The following SSBP2 variants were observed in gnomAD, a reference collection of about 807,000 sequenced individuals.
SSBP2 encodes the protein single-stranded DNA-binding protein 2.
Under a neutral mutation model 61.8 loss-of-function variants are expected in SSBP2, and 17 were observed. That is an observed-to-expected ratio of 0.28 (90% CI 0.19 to 0.41). SSBP2 has a LOEUF of 0.41. Ranked by LOEUF, SSBP2 falls within the 10% of genes least tolerant of loss-of-function variation. The pLI, the probability that SSBP2 is intolerant of heterozygous loss-of-function variation, is 1.00. For missense variants in SSBP2, 310 were observed against 458.7 expected, an observed-to-expected ratio of 0.68 and a Z score of 2.96; for synonymous variants, 139 against 141.3, an observed-to-expected ratio of 0.98 and a Z score of 0.12.
intron 3 of SSBP2, 80 bp from the exon 4 acceptor site, chr5:81,615,637 T>G: frequency 1.1e-6 from 1 of 935,370 alleles, no homozygotes. Flanking sequence ...GTAGAAGACA[T>G]GTTTTTCTTT....
At chr5:81,560,759 T>C (rs966695128) in intron 4 of SSBP2, among the ~76,000 whole-genome samples, 1 of 152,196 alleles carries the variant, frequency 6.6e-6, no homozygotes, top group Admixed American at 6.5e-5. Flanking sequence ...TTAAGTATAA[T>C]TGACAATAAA....
intron 1 of SSBP2, among the ~76,000 whole-genome samples, chr5:81,653,966 A>C (rs529577925): frequency 6.6e-6 from 1 of 150,776 alleles, no homozygotes; most frequent in Admixed American, 6.6e-5. Context: ...TCCAAACTAA[A>C]CTACTGTTTT....
chr5:81,574,497 G>A (rs895699390), intron 4 of SSBP2, among the ~76,000 whole-genome samples: 1 of 151,794 alleles, frequency 6.6e-6, no homozygotes, highest in African/African-American at 2.4e-5. Flanking sequence ...AAAAAATAGA[G>A]GCAGAAGTAT....
At chr5:81,736,102 G>C (rs1484685763) in intron 1 of SSBP2, among the ~76,000 whole-genome samples, 1 of 150,736 alleles carries the variant, frequency 6.6e-6, no homozygotes, top group Admixed American at 6.6e-5. Flanking sequence ...GCTTATTTCT[G>C]TAGCCTCTAC....
intron 1 of SSBP2, among the ~76,000 whole-genome samples, chr5:81,730,992 T>C (rs944292675): frequency 1.4e-4 from 22 of 152,214 alleles, no homozygotes; most frequent in Non-Finnish European, 2.2e-4. Flanking sequence ...CAGTGTTAAG[T>C]ATATTCACAT....
At chr5:81,594,319 C>G (rs1303781659) in intron 4 of SSBP2, among the ~76,000 whole-genome samples, 1 of 152,250 alleles carries the variant, frequency 6.6e-6, no homozygotes, top group Middle Eastern at 3.4e-3. Context: ...GCACCCAATA[C>G]AGGAGCACCC....
chr5:81,657,849 G>T (rs1166353581), intron 1 of SSBP2, among the ~76,000 whole-genome samples: 1 of 152,084 alleles, frequency 6.6e-6, no homozygotes, highest in Admixed American at 6.6e-5. Context: ...TTAGAGGGAA[G>T]GAGGATTTAG....
intron 1 of SSBP2, among the ~76,000 whole-genome samples, chr5:81,653,324 C>T (rs1749919925): frequency 6.6e-6 from 1 of 152,224 alleles, no homozygotes; most frequent in South Asian, 2.1e-4. Flanking sequence ...ATATGTGCCA[C>T]ATTTTCTTTA....
chr5:81,585,862 G>T (rs1775021335), intron 4 of SSBP2, among the ~76,000 whole-genome samples: 1 of 152,044 alleles, frequency 6.6e-6, no homozygotes, highest in South Asian at 2.1e-4. Flanking sequence ...CCATTTCTAT[G>T]AGTTCATTTT....
chr5:81,692,528 C>T (rs1753283540), intron 1 of SSBP2, among the ~76,000 whole-genome samples: 2 of 152,022 alleles, frequency 1.3e-5, no homozygotes, highest in African/African-American at 4.8e-5. Context: ...TATAGAACCA[C>T]AAAAGATTCA....
At chr5:81,740,077 G>A (rs191767941) in intron 1 of SSBP2, among the ~76,000 whole-genome samples, 7 of 152,118 alleles carry the variant, frequency 4.6e-5, no homozygotes, top group East Asian at 1.9e-4. Context: ...CCCTGAATTC[G>A]TAAGTCCAAC....
At chr5:81,738,158 G>T (rs1248170638) in intron 1 of SSBP2, among the ~76,000 whole-genome samples, 1 of 152,140 alleles carries the variant, frequency 6.6e-6, no homozygotes, top group East Asian at 1.9e-4. Flanking sequence ...TAAAAATCAA[G>T]CAAGATGGGT....
intron 4 of SSBP2, among the ~76,000 whole-genome samples, chr5:81,614,520 G>T (rs115823111): frequency 0.011 from 1,635 of 152,160 alleles, 28 homozygotes; most frequent in African/African-American, 0.038. Flanking sequence ...ATTTTCCTTG[G>T]AAGAACAAGG....
chr5:81,617,028 T>C (rs1214530669), intron 3 of SSBP2, among the ~76,000 whole-genome samples: 1 of 93,202 alleles, frequency 1.1e-5, no homozygotes, highest in Non-Finnish European at 2.1e-5. Flanking sequence ...AACTGGAAAC[T>C]CTAAAACGCA....
At chr5:81,527,149 T>C (rs1770004416) in intron 4 of SSBP2, among the ~76,000 whole-genome samples, 1 of 152,004 alleles carries the variant, frequency 6.6e-6, no homozygotes. Context: ...GATTTTATCA[T>C]AGGATCAATA....
chr5:81,738,248 T>G (rs1756752591), intron 1 of SSBP2, among the ~76,000 whole-genome samples: 1 of 152,216 alleles, frequency 6.6e-6, no homozygotes, highest in African/African-American at 2.4e-5. Flanking sequence ...GTGTTCAGTT[T>G]GCGAAAACTC....
chr5:81,701,673 T>C (rs887678567), intron 1 of SSBP2, among the ~76,000 whole-genome samples: 3 of 152,210 alleles, frequency 2.0e-5, no homozygotes, highest in Admixed American at 2.0e-4. Flanking sequence ...TTATTTTAGT[T>C]GTACCAAAAC....
intron 1 of SSBP2, among the ~76,000 whole-genome samples, chr5:81,747,266 G>C (rs1757417968): frequency 6.6e-6 from 1 of 152,108 alleles, no homozygotes; most frequent in Admixed American, 6.5e-5. Flanking sequence ...ACTGAAAAAT[G>C]TATCTTTCAG....
In SSBP2 at chr5:81,702,695, AATG is replaced by A. The variant is rs540457344; in HGVS notation, c.62+48283_62+48285del. On this transcript the variant is annotated intron_variant, in intron 1 of 16. Transcript: ENST00000320672. ...AAGAATCCCTATTTCAGAGAATCCA[AATG>A]CCAGTTTAAACTGGGTCCCTACATT... 7.0e-4 allele frequency among the ~76,000 whole-genome samples: 106 copies of A among 152,298 alleles called. 1 individual carries two copies. The South Asian group carries it at 0.021, about 31-fold the overall frequency.
Sources: gnomAD v4.1 joint callset for allele counts (sites outside exome capture counted in the v4.1 genomes callset) on GRCh38, gnomAD v4.1.1 for gene constraint, MANE v1.5 for transcripts, NCBI Gene and HGNC (gene_info 2026-07-23, HGNC 2026-07-21) for gene names.